Variants in PTGR3 observed in about 807,000 individuals in gnomAD.
PTGR3 encodes the protein zinc binding alcohol dehydrogenase domain containing 2.
chr18:75,205,301 G>A, the PTGR3 span: 1 of 985,672 alleles, frequency 1.0e-6, no homozygotes. Context: ...GGGGCGGAAG[G>A]GCCAGGGAGC....
At chr18:75,197,199 C>T in the PTGR3 span, 3 of 151,932 alleles carry the variant, frequency 2.0e-5, no homozygotes, top group Non-Finnish European at 4.4e-5. Context: ...AGAGTAAGAC[C>T]TACTATTTGA....
chr18:75,197,207 T>C, the PTGR3 span: 1 of 152,182 alleles, frequency 6.6e-6, no homozygotes, highest in Non-Finnish European at 1.5e-5. Context: ...ACCTACTATT[T>C]GATAGCAAAC....
the PTGR3 span, chr18:75,198,991 A>G: frequency 6.6e-6 from 1 of 152,664 alleles, no homozygotes; most frequent in African/African-American, 2.4e-5. Context: ...TCATTTTTCA[A>G]AAGAATAAAA....
the PTGR3 span, among the ~76,000 whole-genome samples, chr18:75,205,711 G>A: frequency 1.4e-5 from 2 of 147,094 alleles, no homozygotes; most frequent in Non-Finnish European, 3.0e-5. Flanking sequence ...AACCAGACCT[G>A]CCTTAAGAAA....
chr18:75,202,843 T>C, the PTGR3 span, among the ~76,000 whole-genome samples: 2 of 152,176 alleles, frequency 1.3e-5, no homozygotes, highest in East Asian at 1.9e-4. Flanking sequence ...TGGCAACAAT[T>C]TAACACTTAA....
chr18:75,201,983 G>C, the PTGR3 span: 1 of 1,614,094 alleles, frequency 6.2e-7, no homozygotes, highest in East Asian at 2.2e-5. Context: ...AAAGCTGCAT[G>C]GCAAACTGGC....
chr18:75,195,248 A>G, the PTGR3 span: 14 of 152,370 alleles, frequency 9.2e-5, 1 homozygote, highest in South Asian at 2.9e-3. Context: ...TGTGATATTT[A>G]GACGACACAG....
the PTGR3 span, chr18:75,195,514 G>A: frequency 1.3e-5 from 2 of 152,238 alleles, no homozygotes; most frequent in Non-Finnish European, 2.9e-5. Flanking sequence ...AACGGGCTCT[G>A]TAACCTTGGA....
the PTGR3 span, chr18:75,201,652 C>A: frequency 1.2e-6 from 2 of 1,614,194 alleles, no homozygotes. Flanking sequence ...AAGCCCTGTA[C>A]GCTGGCAGAT....
At chr18:75,206,801 A>C in the PTGR3 span, among the ~76,000 whole-genome samples, 1 of 152,254 alleles carries the variant, frequency 6.6e-6, no homozygotes, top group Non-Finnish European at 1.5e-5. Context: ...AAAAAGAGGC[A>C]TGGATTTTAA....
At chr18:75,201,177 A>G in the PTGR3 span, 1 of 513,830 alleles carries the variant, frequency 1.9e-6, no homozygotes, top group East Asian at 3.1e-5. Context: ...ATGACTAAAG[A>G]ATTGAATGTA....
At chr18:75,200,378 A>G in the PTGR3 span, 1 of 152,222 alleles carries the variant, frequency 6.6e-6, no homozygotes, top group Non-Finnish European at 1.5e-5. Flanking sequence ...GGGAATGCAG[A>G]ATGAGTGGCT....
the PTGR3 span, chr18:75,199,296 C>A: frequency 6.6e-6 from 1 of 152,490 alleles, no homozygotes; most frequent in African/African-American, 2.4e-5. Context: ...ATGAAACAAA[C>A]CGGGACTCAC....
the PTGR3 span, among the ~76,000 whole-genome samples, chr18:75,207,221 C>T: frequency 6.6e-6 from 1 of 152,226 alleles, no homozygotes; most frequent in Admixed American, 6.5e-5. Context: ...GCTCAGTCGC[C>T]TCCTCCCCAT....
At chr18:75,201,648 T>TGTAC in the PTGR3 span, 2 of 1,614,234 alleles carry the variant, frequency 1.2e-6, no homozygotes, top group Middle Eastern at 1.6e-4. Flanking sequence ...GAAGAAGCCC[T>TGTAC]GTACGCTGGC....
At chr18:75,206,757 T>C in the PTGR3 span, among the ~76,000 whole-genome samples, 1 of 152,196 alleles carries the variant, frequency 6.6e-6, no homozygotes, top group East Asian at 1.9e-4. Flanking sequence ...AGATACTATT[T>C]ATATTAAAAG....
At chr18:75,204,385 T>A in the PTGR3 span, among the ~76,000 whole-genome samples, 1 of 152,112 alleles carries the variant, frequency 6.6e-6, no homozygotes, top group Non-Finnish European at 1.5e-5. Flanking sequence ...AGGCCAAGTT[T>A]GGGAGGGGGG....
the PTGR3 span, chr18:75,208,851 G>C: frequency 6.7e-7 from 1 of 1,502,618 alleles, no homozygotes; most frequent in Non-Finnish European, 8.9e-7. Context: ...CGGGCTCACC[G>C]GTTCCGGACG....
the PTGR3 span, chr18:75,205,229 C>T: frequency 1.0e-6 from 1 of 985,594 alleles, no homozygotes; most frequent in Non-Finnish European, 1.2e-6. Flanking sequence ...CCTTCCGCTC[C>T]ACCAGAAACA....
Sources: allele counts gnomAD v4.1 joint callset (sites outside exome capture counted in the v4.1 genomes callset), GRCh38; gene constraint gnomAD v4.1.1; transcripts MANE v1.5; gene names NCBI Gene and HGNC (gene_info 2026-07-23, HGNC 2026-07-21).